GALNTL6: variants seen among roughly 807,000 people sequenced by gnomAD.
GALNTL6 encodes the protein polypeptide N-acetylgalactosaminyltransferase like 6, also known as polypeptide N-acetylgalactosaminyltransferase-like 6.
Under a neutral mutation model 73.7 loss-of-function variants are expected in GALNTL6, and 46 were observed. That is an observed-to-expected ratio of 0.62 (90% confidence interval 0.49 to 0.80). The LOEUF (loss-of-function observed/expected upper bound fraction) is 0.80, where lower values mean the gene tolerates loss of function less well. GALNTL6 is among the 30% of genes least tolerant of loss of function. The pLI is 0.00. For synonymous variants in GALNTL6, 259 were observed against 263.7 expected (o/e 0.98, Z 0.17); for missense variants, 604 against 755.0 (o/e 0.80, Z 2.34).
chr4:172,013,052 A>T (rs1741070713), intron 2 of GALNTL6, among the ~76,000 whole-genome samples: 1 of 152,030 alleles, frequency 6.6e-6, no homozygotes, highest in African/African-American at 2.4e-5. Flanking sequence ...TTTTTAATTG[A>T]CATAATAATT....
chr4:172,210,529 C>T lies in GALNTL6; in HGVS notation c.139-19127C>T, dbSNP rs570506179. ...ATGTCCCTCTATTGGGATTTGTTTG[C>T]TGTTTTTCTGATGATTAGATGGGAT... On this transcript the variant is annotated intron_variant, in intron 2 of 12. Coordinates refer to ENST00000506823, the MANE Select transcript of GALNTL6 (RefSeq NM_001034845.3). 6.6e-4 allele frequency among the ~76,000 whole-genome samples: 101 copies of T among 152,116 alleles called. 1 individual carries two copies. Among genetic ancestry groups the T allele is most frequent in the Non-Finnish European group, 7.8e-4 (53 of 67,938 alleles).
rs188929923 is a variant in GALNTL6, at chr4:172,197,430, A to G, written c.139-32226A>G. ...TACCATTGACATTCTTCACAGAATT[A>G]GAAAAACCTATTTTAAAATTCATAT... is the stretch of plus-strand genomic sequence containing the variant. On this transcript the variant is annotated intron_variant, in intron 2 of 12. Coordinates refer to ENST00000506823, the MANE Select transcript of GALNTL6 (RefSeq NM_001034845.3). Among the ~76,000 whole-genome samples the G allele has an allele frequency of 2.0e-3, 302 of 152,322 alleles. 5 individuals are homozygous for G. Among genetic ancestry groups the G allele is most frequent in the Middle Eastern group, 6.8e-3 (2 of 294 alleles).
At chr4:172,311,252 A>G (rs1740346974) in intron 3 of GALNTL6, among the ~76,000 whole-genome samples, 1 of 152,200 alleles carries the variant, frequency 6.6e-6, no homozygotes, top group Non-Finnish European at 1.5e-5. Flanking sequence ...GAATACAATC[A>G]AATAACATCA....
chr4:172,013,502 T>C (rs918222374), intron 2 of GALNTL6, among the ~76,000 whole-genome samples: 2 of 148,452 alleles, frequency 1.3e-5, no homozygotes, highest in Non-Finnish European at 3.0e-5. Context: ...ATTCTTTTTT[T>C]AAGATTAACT....
chr4:172,926,712 C>T (rs1486881597), intron 8 of GALNTL6, among the ~76,000 whole-genome samples: 2 of 152,200 alleles, frequency 1.3e-5, no homozygotes, highest in Non-Finnish European at 2.9e-5. Flanking sequence ...TTGACATTTG[C>T]TTATCTTTGA....
At chr4:171,909,155 T>G (rs111777683) in intron 2 of GALNTL6, among the ~76,000 whole-genome samples, 1,914 of 121,678 alleles carry the variant, frequency 0.016, 48 homozygotes, top group African/African-American at 0.056. Context: ...AATAAATAAA[T>G]AAATAAATAA....
chr4:171,845,624 G>A (rs1160306038), intron 2 of GALNTL6, among the ~76,000 whole-genome samples: 2 of 152,212 alleles, frequency 1.3e-5, no homozygotes, highest in East Asian at 1.9e-4. Context: ...CTCTACAACC[G>A]ATTTTTCCCT....
At chr4:172,082,361 C>G (rs1429692984) in intron 2 of GALNTL6, among the ~76,000 whole-genome samples, 2 of 152,090 alleles carry the variant, frequency 1.3e-5, no homozygotes, top group African/African-American at 4.8e-5. Context: ...ATTTGAGATG[C>G]CTTTCAGAAA....
At chr4:172,750,622 C>T (rs148649781) in intron 5 of GALNTL6, among the ~76,000 whole-genome samples, 237 of 152,282 alleles carry the variant, frequency 1.6e-3, no homozygotes, top group Middle Eastern at 0.01. Context: ...CCTCCCTTGA[C>T]GTTCCTTTGC....
At chr4:172,512,295 T>A (rs868408005) in intron 5 of GALNTL6, among the ~76,000 whole-genome samples, 9,005 of 52,384 alleles carry the variant, frequency 0.17, 3,858 homozygotes, top group African/African-American at 0.39. Flanking sequence ...ATGGAATATC[T>A]TTTTCCACCC....
chr4:171,870,203 A>G (rs532723320), intron 2 of GALNTL6, among the ~76,000 whole-genome samples: 1 of 152,176 alleles, frequency 6.6e-6, no homozygotes, highest in Non-Finnish European at 1.5e-5. Flanking sequence ...TTCCCTTTAC[A>G]ATGAGTATGA....
chr4:172,775,446 C>T (rs1739019190), intron 5 of GALNTL6, among the ~76,000 whole-genome samples: 1 of 152,208 alleles, frequency 6.6e-6, no homozygotes, highest in South Asian at 2.1e-4. Context: ...TTGCTAAGCA[C>T]AAACGTGGGG....
chr4:171,922,035 A>T (rs1236684545), intron 2 of GALNTL6, among the ~76,000 whole-genome samples: 2 of 151,944 alleles, frequency 1.3e-5, no homozygotes, highest in Non-Finnish European at 2.9e-5. Flanking sequence ...TATCCCTGCC[A>T]TTAATTTGGC....
chr4:172,322,156 A>G (rs1389585324), intron 4 of GALNTL6, among the ~76,000 whole-genome samples: 1 of 152,192 alleles, frequency 6.6e-6, no homozygotes, highest in Non-Finnish European at 1.5e-5. Flanking sequence ...AAACATGCCA[A>G]CATATGAAAC....
chr4:172,193,215 G>A (rs564256762), intron 2 of GALNTL6, among the ~76,000 whole-genome samples: 2 of 152,294 alleles, frequency 1.3e-5, no homozygotes, highest in African/African-American at 4.8e-5. Flanking sequence ...CCTCCTGACT[G>A]GGTGAGACCC....
intron 2 of GALNTL6, among the ~76,000 whole-genome samples, chr4:171,842,455 T>C (rs1199593818): frequency 3.3e-5 from 5 of 152,110 alleles, no homozygotes; most frequent in Non-Finnish European, 7.4e-5. Context: ...CTTGTGTCAC[T>C]ATGAAGAAAT....
intron 12 of GALNTL6, among the ~76,000 whole-genome samples, chr4:173,029,903 T>C (rs991422441): frequency 6.6e-6 from 1 of 152,232 alleles, no homozygotes; most frequent in African/African-American, 2.4e-5. Flanking sequence ...TGCCTTCATC[T>C]AAATTGTTGA....
chr4:172,379,536 CAAAA>C (rs71592073), intron 5 of GALNTL6, among the ~76,000 whole-genome samples: 33 of 75,714 alleles, frequency 4.4e-4, no homozygotes, highest in African/African-American at 1.8e-3. Flanking sequence ...GACTCCGTCT[CAAAA>C]AAAAAAAAAA....
At chr4:171,831,267 T>C (rs556769881) in intron 2 of GALNTL6, among the ~76,000 whole-genome samples, 1 of 151,968 alleles carries the variant, frequency 6.6e-6, no homozygotes, top group South Asian at 2.1e-4. Context: ...AAATCAAAGG[T>C]AAAACATGCG....
Sources: allele counts gnomAD v4.1 joint callset (sites outside exome capture counted in the v4.1 genomes callset), GRCh38; gene constraint gnomAD v4.1.1; transcripts MANE v1.5; gene names NCBI Gene and HGNC (gene_info 2026-07-23, HGNC 2026-07-21).